The following CHRNA7 variants were observed in gnomAD, a reference collection of about 807,000 sequenced individuals.
CHRNA7 encodes the protein neuronal acetylcholine receptor subunit alpha-7.
CHRNA7 carries 17 observed loss-of-function variants against 48.0 expected under a neutral mutation model. The ratio of observed to expected loss-of-function variants is 0.35; its 90% CI spans 0.24 to 0.53. CHRNA7 has a LOEUF of 0.53. Ranked by LOEUF, CHRNA7 falls within the 20% of genes least tolerant of loss-of-function variation. The pLI is 0.92. For synonymous variants in CHRNA7, 75 were observed against 242.3 expected (o/e 0.31, Z 6.41); for missense variants, 155 against 577.7 (o/e 0.27, Z 7.50).
At chr15:32,097,599 A>G (rs2050494051) in intron 2 of CHRNA7, among the ~76,000 whole-genome samples, 1 of 152,200 alleles carries the variant, frequency 6.6e-6, no homozygotes. Flanking sequence ...TCTATTTTTT[A>G]TAAGCTACCC....
chr15:32,076,558 T>C (rs2050139152), intron 2 of CHRNA7, among the ~76,000 whole-genome samples: 1 of 152,234 alleles, frequency 6.6e-6, no homozygotes, highest in African/African-American at 2.4e-5. Flanking sequence ...TTATTTGATA[T>C]AAGTTTCTTG....
intron 2 of CHRNA7, among the ~76,000 whole-genome samples, chr15:32,059,721 G>A (rs2049845227): frequency 6.6e-6 from 1 of 152,018 alleles, no homozygotes; most frequent in Non-Finnish European, 1.5e-5. Flanking sequence ...CAGATATAGA[G>A]AAATGATTTT....
chr15:32,061,604 T>A (rs2049879812), intron 2 of CHRNA7, among the ~76,000 whole-genome samples: 1 of 151,992 alleles, frequency 6.6e-6, no homozygotes, highest in African/African-American at 2.4e-5. Flanking sequence ...GGTAAGGAAT[T>A]TGAGACCAGC....
chr15:32,036,774 G>T (rs566494543), intron 2 of CHRNA7, among the ~76,000 whole-genome samples: 179 of 134,372 alleles, frequency 1.3e-3, no homozygotes, highest in African/African-American at 4.6e-3. Flanking sequence ...TTTTCAGTGG[G>T]TTTTTTTTTT....
At chr15:32,165,413 T>TGTAA (rs2052045510) in intron 9 of CHRNA7, among the ~76,000 whole-genome samples, 1 of 128,168 alleles carries the variant, frequency 7.8e-6, no homozygotes, top group African/African-American at 3.2e-5. Context: ...TCTCATTTCT[T>TGTAA]GTAAGTATTT....
At chr15:32,142,492 ATG>A (rs1316488939) in intron 4 of CHRNA7, among the ~76,000 whole-genome samples, 1 of 152,192 alleles carries the variant, frequency 6.6e-6, no homozygotes, top group African/African-American at 2.4e-5. Flanking sequence ...TTCCGAAGAA[ATG>A]GTACCGGCTC....
chr15:32,129,108 A>G (rs901396463), intron 4 of CHRNA7, among the ~76,000 whole-genome samples: 1 of 151,948 alleles, frequency 6.6e-6, no homozygotes, highest in Non-Finnish European at 1.5e-5. Context: ...AACAAACTCT[A>G]CTTGGTCATG....
At chr15:32,084,189 G>A (rs141014421) in intron 2 of CHRNA7, among the ~76,000 whole-genome samples, 1 of 152,310 alleles carries the variant, frequency 6.6e-6, no homozygotes, top group East Asian at 1.9e-4. Context: ...AAACAAACAT[G>A]TTGGAAAACT....
intron 2 of CHRNA7, among the ~76,000 whole-genome samples, chr15:32,046,897 G>A (rs1448532037): frequency 6.6e-6 from 1 of 151,840 alleles, no homozygotes; most frequent in Non-Finnish European, 1.5e-5. Flanking sequence ...TGGCTAGCCA[G>A]TTTTCCCAGC....
intron 2 of CHRNA7, among the ~76,000 whole-genome samples, chr15:32,049,916 G>A (rs1299174118): frequency 1.3e-5 from 2 of 152,074 alleles, no homozygotes; most frequent in East Asian, 1.9e-4. Flanking sequence ...AGCTTAGTTT[G>A]GCTGGATATG....
At chr15:32,068,124 T>C (rs568608769) in intron 2 of CHRNA7, among the ~76,000 whole-genome samples, 1 of 152,116 alleles carries the variant, frequency 6.6e-6, no homozygotes, top group African/African-American at 2.4e-5. Context: ...CTAGCCTGGG[T>C]TACAGAGTGA....
chr15:32,115,594 G>C (rs1213441060), intron 4 of CHRNA7, among the ~76,000 whole-genome samples: 1 of 151,924 alleles, frequency 6.6e-6, no homozygotes, highest in Non-Finnish European at 1.5e-5. Context: ...AGCGTCTTGC[G>C]GGGCGAGGAA....
At chr15:32,052,117 C>G (rs1421151057) in intron 2 of CHRNA7, among the ~76,000 whole-genome samples, 2 of 152,110 alleles carry the variant, frequency 1.3e-5, no homozygotes, top group Non-Finnish European at 2.9e-5. Flanking sequence ...TTGGTATTCT[C>G]TCAGGGCTCC....
chr15:32,031,717 C>T (rs980378096), intron 2 of CHRNA7, among the ~76,000 whole-genome samples: 8 of 152,242 alleles, frequency 5.3e-5, no homozygotes, highest in African/African-American at 1.7e-4. Flanking sequence ...CTAGTGCCCA[C>T]TTCAGTTAGC....
At position 32,145,770 on chromosome 15, in the gene CHRNA7, C is replaced by T. The variant is rs568176631; in HGVS notation, c.351-8137C>T. 1.4e-4 allele frequency among the ~76,000 whole-genome samples: 22 copies of T among 152,260 alleles called. No individual in the cohort carries two copies. In the South Asian group the frequency reaches 4.2e-3, roughly 29 times the overall value. On this transcript the variant is annotated intron_variant, in intron 4 of 9. Coordinates refer to ENST00000306901, the MANE Select transcript of CHRNA7 (RefSeq NM_000746.6). ...CTCCTGGTCTGCTGATCGCTAAGACCGTTGAAAAGTGCAGTATTTGGGCGG... is the reference window on the plus strand; with the variant it reads ...CTCCTGGTCTGCTGATCGCTAAGACTGTTGAAAAGTGCAGTATTTGGGCGG...
intron 2 of CHRNA7, among the ~76,000 whole-genome samples, chr15:32,087,803 C>T (rs2050322539): frequency 6.6e-6 from 1 of 152,198 alleles, no homozygotes; most frequent in African/African-American, 2.4e-5. Context: ...TACACAGTTC[C>T]TTGCAGAATA....
At chr15:32,123,896 C>G (rs1304493033) in intron 4 of CHRNA7, among the ~76,000 whole-genome samples, 1 of 150,748 alleles carries the variant, frequency 6.6e-6, no homozygotes, top group South Asian at 2.1e-4. Flanking sequence ...TTCCTAAGCT[C>G]CCCCCCGCCA....
intron 4 of CHRNA7, among the ~76,000 whole-genome samples, chr15:32,122,346 T>C (rs571689253): frequency 5.3e-5 from 8 of 152,338 alleles, no homozygotes; most frequent in African/African-American, 1.9e-4. Flanking sequence ...ATGTAGGGTA[T>C]GGGTCCTATC....
intron 2 of CHRNA7, among the ~76,000 whole-genome samples, chr15:32,065,575 C>G (rs2049950904): frequency 6.6e-6 from 1 of 152,246 alleles, no homozygotes; most frequent in Admixed American, 6.5e-5. Context: ...TCCACAAGTT[C>G]TTTGAAAAGC....
Sources: allele counts gnomAD v4.1 joint callset (sites outside exome capture counted in the v4.1 genomes callset), GRCh38; gene constraint gnomAD v4.1.1; transcripts MANE v1.5; gene names NCBI Gene and HGNC (gene_info 2026-07-23, HGNC 2026-07-21).